DSE: variants seen among roughly 807,000 people sequenced by gnomAD.
The protein encoded by DSE is dermatan-sulfate epimerase.
A neutral mutation model predicts 84.4 loss-of-function variants in DSE; 36 were observed. The ratio of observed to expected loss-of-function variants is 0.43; its 90% confidence interval spans 0.33 to 0.56. The LOEUF is 0.56. Ranked by LOEUF, DSE falls within the 20% of genes least tolerant of loss-of-function variation. The pLI, the probability that DSE is intolerant of heterozygous loss-of-function variation, is 0.06. For missense variants in DSE, 862 were observed against 1,169.6 expected, an observed-to-expected ratio of 0.74 and a Z score of 3.84; for synonymous variants, 410 against 430.1, an observed-to-expected ratio of 0.95 and a Z score of 0.58.
chr6:116,270,731 C>G (rs1772844423), intron 2 of DSE, among the ~76,000 whole-genome samples: 1 of 152,172 alleles, frequency 6.6e-6, no homozygotes, highest in South Asian at 2.1e-4. Flanking sequence ...GAATAACTTT[C>G]AACTAAGATC....
At chr6:116,325,605 C>T (rs187755137) in intron 2 of DSE, among the ~76,000 whole-genome samples, 2 of 152,122 alleles carry the variant, frequency 1.3e-5, no homozygotes, top group South Asian at 2.1e-4. Context: ...GTTTATACAA[C>T]GTCTGTTTGC....
chr6:116,383,894 G>C (rs1275873133), intron 1 of DSE, among the ~76,000 whole-genome samples: 1 of 151,992 alleles, frequency 6.6e-6, no homozygotes, highest in Non-Finnish European at 1.5e-5. Context: ...TTTCCTGACT[G>C]GTAACATTTC....
chr6:116,283,147 T>A (rs531767763), intron 2 of DSE, among the ~76,000 whole-genome samples: 2 of 152,338 alleles, frequency 1.3e-5, no homozygotes, highest in South Asian at 4.1e-4. Context: ...CTGTCTTGCT[T>A]TAAAATGTGC....
chr6:116,397,621 C>G (rs1224268838), intron 1 of DSE, among the ~76,000 whole-genome samples: 2 of 152,170 alleles, frequency 1.3e-5, no homozygotes, highest in Non-Finnish European at 2.9e-5. Flanking sequence ...CAGGCATAAC[C>G]ACAGAAGACT....
At chr6:116,419,200 C>T (rs959389553) in intron 2 of DSE, among the ~76,000 whole-genome samples, 1 of 152,220 alleles carries the variant, frequency 6.6e-6, no homozygotes, top group Non-Finnish European at 1.5e-5. Context: ...TCTGCCAAGA[C>T]CCAATGTGCT....
intron 2 of DSE, among the ~76,000 whole-genome samples, chr6:116,318,454 G>C (rs535297039): frequency 1.6e-4 from 25 of 151,900 alleles, no homozygotes; most frequent in Non-Finnish European, 2.8e-4. Context: ...AGTGAGCCGA[G>C]ATGCACCACT....
At position 116,436,050 on chromosome 6, in the gene DSE, G is replaced by A. The variant is rs773958566; in HGVS notation, c.1582G>A (p.Ala528Thr). The A allele has an allele frequency of 1.9e-6, 3 of 1,613,940 alleles. No homozygotes were observed. Among genetic ancestry groups the A allele is most frequent in the Non-Finnish European group, 2.5e-6 (3 of 1,180,022 alleles). Residue 528 changes from alanine (A) to threonine (T), a missense_variant, in exon 6 of 6, where the codon GCA (alanine) becomes ACA (threonine). Transcript: ENST00000644252. ...AASCQGRVVAAEEKNGVVFIR... is the reference protein window; with the variant it reads ...AASCQGRVVATEEKNGVVFIR... Reference sequence around the variant, plus strand: ...TAGTTGTCAGGGGAGGGTGGTTGCAGCAGAGGAGAAAAATGGGGTGGTTTT... The same window carrying A: ...TAGTTGTCAGGGGAGGGTGGTTGCAACAGAGGAGAAAAATGGGGTGGTTTT...
At chr6:116,274,826 CCTTAT>C (rs748429475) in intron 2 of DSE, among the ~76,000 whole-genome samples, 11 of 151,976 alleles carry the variant, frequency 7.2e-5, no homozygotes, top group Non-Finnish European at 1.0e-4. Context: ...GCAAGATAAC[CCTTAT>C]CTTAGTCACA....
At chr6:116,268,390 G>C (rs778687514) in intron 2 of DSE, among the ~76,000 whole-genome samples, 1 of 152,202 alleles carries the variant, frequency 6.6e-6, no homozygotes, top group Non-Finnish European at 1.5e-5. Flanking sequence ...TTAGGTTTGT[G>C]TAAGTATATT....
Position 116,272,766 on chromosome 6 carries a change from G to T in DSE, c.-54+13799G>T, listed in dbSNP as rs536447071. ...AGCTCAAAGCTATATATAATGATCA[G>T]CCAGGTTTGAGAACCATGAAGCTAG... On this transcript the variant is annotated intron_variant, in intron 2 of 3. Coordinates refer to the DSE transcript ENST00000430252. Among the ~76,000 whole-genome samples, 40 of 152,300 alleles carry T rather than the reference G, an allele frequency of 2.6e-4. 1 individual carries two copies. In the South Asian group the frequency reaches 8.3e-3, roughly 32 times the overall value.
chr6:116,372,361 G>T (rs1411482417), intron 1 of DSE, among the ~76,000 whole-genome samples: 1 of 152,120 alleles, frequency 6.6e-6, no homozygotes. Flanking sequence ...CCAGCTACTC[G>T]GGAGGCTGAG....
In DSE at chr6:116,438,424, C is replaced by T. The variant is rs1784310650; in HGVS notation, c.*1079C>T. ...TGAATCAAAAGAAGTATTTTCTCTGCTTATTAACCTTAATTGTTGTTTAAG... is the reference window on the plus strand; with the variant it reads ...TGAATCAAAAGAAGTATTTTCTCTGTTTATTAACCTTAATTGTTGTTTAAG... On this transcript the variant is annotated 3_prime_UTR_variant, in exon 6 of 6. Transcript: ENST00000644252. 1 of 152,000 alleles carries T rather than the reference C, an allele frequency of 6.6e-6. No homozygotes were observed. The highest frequency in any genetic ancestry group is 1.5e-5 in the Non-Finnish European group (1 of 67,948). 9.4% of individuals were successfully genotyped at this position (152,000 alleles called of 1,614,324 possible).
At chr6:116,414,216 T>C (rs964777740) in intron 2 of DSE, among the ~76,000 whole-genome samples, 5 of 152,192 alleles carry the variant, frequency 3.3e-5, no homozygotes, top group African/African-American at 9.7e-5. Flanking sequence ...CTTCATTCCT[T>C]CTGGAGGCTC....
intron 2 of DSE, among the ~76,000 whole-genome samples, chr6:116,407,560 C>T (rs1479424594): frequency 1.3e-5 from 2 of 152,158 alleles, no homozygotes; most frequent in African/African-American, 2.4e-5. Context: ...CATATCTGCT[C>T]ATTCTTACAA....
chr6:116,311,709 C>A (rs58437684), intron 2 of DSE, among the ~76,000 whole-genome samples: 18 of 152,182 alleles, frequency 1.2e-4, no homozygotes, highest in African/African-American at 3.9e-4. Context: ...CTTGCGATTC[C>A]TTGTGTATGG....
intron 2 of DSE, chr6:116,400,549 A>G (rs1781530008): frequency 6.6e-6 from 1 of 152,210 alleles, no homozygotes; most frequent in South Asian, 2.1e-4. Context: ...ACATCTTAAC[A>G]TATCACAGGG....
intron 2 of DSE, among the ~76,000 whole-genome samples, chr6:116,287,595 G>C (rs977809246): frequency 1.3e-5 from 2 of 151,990 alleles, no homozygotes; most frequent in African/African-American, 4.8e-5. Context: ...GTGTAAACAT[G>C]TTTAGTGTTT....
At chr6:116,336,493 C>T (rs544357520) in intron 2 of DSE, among the ~76,000 whole-genome samples, 17 of 152,292 alleles carry the variant, frequency 1.1e-4, no homozygotes, top group African/African-American at 2.2e-4. Flanking sequence ...CAGTGGCTCA[C>T]GCCTGTAATC....
chr6:116,278,044 A>C (rs1773250663), intron 2 of DSE: 1 of 172,764 alleles, frequency 5.8e-6, no homozygotes, highest in South Asian at 1.2e-4. Context: ...ATCACACAGA[A>C]CAAGTGGCTC....
Sources: allele counts gnomAD v4.1 joint callset (sites outside exome capture counted in the v4.1 genomes callset), GRCh38; gene constraint gnomAD v4.1.1; transcripts MANE v1.5; gene names NCBI Gene and HGNC (gene_info 2026-07-23, HGNC 2026-07-21).